CNTLN: variants seen among roughly 807,000 people sequenced by gnomAD.
The protein encoded by CNTLN is centlein, also known as centlein, centrosomal protein.
A neutral mutation model predicts 180.0 loss-of-function variants in CNTLN; 212 were observed. That is an observed-to-expected ratio of 1.18 (90% confidence interval 1.05 to 1.32). CNTLN has a LOEUF of 1.32. CNTLN is among the 40% of genes most tolerant of loss of function. The pLI is 0.00. For missense variants in CNTLN, 2,095 were observed against 1,610.9 expected (o/e 1.30, Z -5.14); for synonymous variants, 722 against 563.1 (o/e 1.28, Z -3.99).
chr9:17,249,096 TCTA>T lies in CNTLN; in HGVS notation c.849+12509_849+12511del, dbSNP rs528077247. Among the ~76,000 whole-genome samples the T allele has an allele frequency of 3.1e-3, 469 of 152,170 alleles. 4 individuals are homozygous for T. Among genetic ancestry groups the T allele is most frequent in the African/African-American group, 0.011 (445 of 41,552 alleles). Reference sequence around the variant, plus strand: ...CTCTAATATTCATTATTTATTTTCTTCTATGTTTGAGTTTAGTTTGCTATTCTG... The same window carrying T: ...CTCTAATATTCATTATTTATTTTCTTTGTTTGAGTTTAGTTTGCTATTCTG... On this transcript the variant is annotated intron_variant, in intron 5 of 25. Transcript: ENST00000380647.
intron 16 of CNTLN, among the ~76,000 whole-genome samples, chr9:17,411,444 C>T (rs564114193): frequency 1.3e-5 from 2 of 152,286 alleles, no homozygotes; most frequent in African/African-American, 4.8e-5. Flanking sequence ...AGGCACTCTT[C>T]ACCTCTCCTC....
At chr9:17,193,560 A>G (rs1821925695) in intron 2 of CNTLN, among the ~76,000 whole-genome samples, 1 of 152,152 alleles carries the variant, frequency 6.6e-6, no homozygotes, top group Admixed American at 6.5e-5. Flanking sequence ...ACAGTGATCA[A>G]AGAGGTGAGT....
intron 8 of CNTLN, among the ~76,000 whole-genome samples, chr9:17,314,442 C>T (rs1194144905): frequency 6.6e-6 from 1 of 152,182 alleles, no homozygotes; most frequent in African/African-American, 2.4e-5. Flanking sequence ...CCAAGCCCTG[C>T]GTCCCAACAG....
At chr9:17,433,087 A>G (rs1304594979) in intron 18 of CNTLN, among the ~76,000 whole-genome samples, 3 of 151,468 alleles carry the variant, frequency 2.0e-5, no homozygotes, top group East Asian at 1.9e-4. Context: ...ATCTAACATT[A>G]TTCTCCACTA....
At chr9:17,424,599 A>G (rs1373088383) in intron 18 of CNTLN, among the ~76,000 whole-genome samples, 2 of 152,212 alleles carry the variant, frequency 1.3e-5, no homozygotes, top group East Asian at 3.8e-4. Flanking sequence ...AAATATGTAT[A>G]AAACTTCAGC....
chr9:17,298,218 T>TGG lies in CNTLN; in HGVS notation c.1012_1013insGG (p.Tyr338TrpfsTer15). ...GGAACTGCAGGAGCTGCAGAATCTT[T>TGG]ACAAACAGAACAGTACACATACAGC... is the stretch of plus-strand genomic sequence containing the variant. On this transcript the variant is annotated frameshift_variant, in exon 7 of 26. Coordinates refer to ENST00000380647, the MANE Select transcript of CNTLN (RefSeq NM_017738.4). LOFTEE classifies it high-confidence loss of function. 1 of 1,549,484 alleles carries TGG rather than the reference T, an allele frequency of 6.5e-7. No individual in the cohort carries two copies. Among genetic ancestry groups the TGG allele is most frequent in the Middle Eastern group, 1.7e-4 (1 of 5,796 alleles).
At chr9:17,443,666 A>G (rs913971923) in intron 18 of CNTLN, among the ~76,000 whole-genome samples, 2 of 152,184 alleles carry the variant, frequency 1.3e-5, no homozygotes, top group Admixed American at 6.5e-5. Context: ...ATGGGCATTC[A>G]TTGTATTTTT....
At chr9:17,219,285 T>C (rs1293788954) in intron 2 of CNTLN, among the ~76,000 whole-genome samples, 9 of 151,238 alleles carry the variant, frequency 6.0e-5, no homozygotes, top group African/African-American at 2.2e-4. Flanking sequence ...TGTAAGTACA[T>C]AGAAGTACAT....
chr9:17,301,051 G>A (rs1210436198), intron 7 of CNTLN: 6 of 985,190 alleles, frequency 6.1e-6, no homozygotes, highest in African/African-American at 1.7e-5. Flanking sequence ...ATAACTGGGG[G>A]CCTGTTCCAA....
At chr9:17,247,312 G>C (rs905217419) in intron 5 of CNTLN, among the ~76,000 whole-genome samples, 1 of 152,100 alleles carries the variant, frequency 6.6e-6, no homozygotes, top group East Asian at 1.9e-4. Flanking sequence ...TCCAACTGCT[G>C]GGTTGGGAGA....
intron 9 of CNTLN, 22 bp downstream of exon 9, chr9:17,330,830 G>A: frequency 6.3e-7 from 1 of 1,585,306 alleles, no homozygotes; most frequent in Non-Finnish European, 8.6e-7. Flanking sequence ...TTGTCATTTT[G>A]TGAATTTGCC....
rs139754182 is a variant in CNTLN at position 17,281,798 on chromosome 9, T to C, written c.983+7932T>C. 6.5e-3 allele frequency among the ~76,000 whole-genome samples: 987 copies of C among 152,300 alleles called. 4 individuals carry two copies. Among genetic ancestry groups the C allele is most frequent in the East Asian group, 0.017 (86 of 5,170 alleles). The stretch of plus-strand genomic sequence containing the variant: ...AATGATTTATATTATATTGGGTATA[T>C]ATACCCAGTAATGGGATTGCTGGGT... On this transcript the variant is annotated intron_variant, in intron 6 of 25. Coordinates refer to ENST00000380647, the MANE Select transcript of CNTLN (RefSeq NM_017738.4).
chr9:17,261,125 T>A (rs968419841), intron 5 of CNTLN, among the ~76,000 whole-genome samples: 2 of 151,728 alleles, frequency 1.3e-5, no homozygotes, highest in Non-Finnish European at 2.9e-5. Context: ...CATCTGGCTT[T>A]GTTCATTTTG....
At chr9:17,261,215 C>T (rs954111582) in intron 5 of CNTLN, among the ~76,000 whole-genome samples, 4 of 151,282 alleles carry the variant, frequency 2.6e-5, no homozygotes, top group African/African-American at 7.3e-5. Context: ...TCAAAAGTGA[C>T]GTTGGTAGTT....
At chr9:17,378,278 C>T (rs985616396) in intron 13 of CNTLN, among the ~76,000 whole-genome samples, 11 of 152,172 alleles carry the variant, frequency 7.2e-5, no homozygotes, top group African/African-American at 2.2e-4. Flanking sequence ...TTCCCTGGTT[C>T]AAGCAATTCT....
intron 25 of CNTLN, chr9:17,494,992 C>T (rs1326818466): frequency 4.5e-6 from 2 of 443,402 alleles, no homozygotes; most frequent in Admixed American, 4.9e-5. Context: ...AGCAGTTCTG[C>T]CTCAGCCTCC....
the CNTLN span, among the ~76,000 whole-genome samples, chr9:17,516,181 A>T: frequency 6.6e-6 from 1 of 152,092 alleles, no homozygotes. Context: ...TACATTCTCC[A>T]CAGCAACATA....
intron 13 of CNTLN, among the ~76,000 whole-genome samples, chr9:17,366,935 G>A (rs531041550): frequency 2.6e-5 from 4 of 152,156 alleles, no homozygotes; most frequent in South Asian, 2.1e-4. Flanking sequence ...AGGGGAGAAC[G>A]TACAGCAAGA....
intron 5 of CNTLN, among the ~76,000 whole-genome samples, chr9:17,268,942 C>G (rs1234429753): frequency 6.6e-6 from 1 of 152,020 alleles, no homozygotes; most frequent in Non-Finnish European, 1.5e-5. Flanking sequence ...TCTGTCACCC[C>G]TTTCTTTGAC....
Sources: gnomAD v4.1 joint callset for allele counts (sites outside exome capture counted in the v4.1 genomes callset) on GRCh38, gnomAD v4.1.1 for gene constraint, MANE v1.5 for transcripts, NCBI Gene and HGNC (gene_info 2026-07-23, HGNC 2026-07-21) for gene names.